GDA: variants seen among roughly 807,000 people sequenced by gnomAD.
The protein encoded by GDA is cytoplasmic PSD-95 interactor.
In GDA, 18 loss-of-function variants were observed where a neutral mutation model predicts 59.6. That is an observed-to-expected ratio of 0.30 (90% confidence interval 0.21 to 0.45). The LOEUF is 0.45. GDA is among the 20% of genes least tolerant of loss of function. The probability of loss-of-function intolerance (pLI) is 1.00; values close to 1 mark genes in which losing one functional copy is unlikely to be tolerated. For synonymous variants in GDA, 201 were observed against 201.1 expected, an observed-to-expected ratio of 1.00 and a Z score of 0.00; for missense variants, 427 against 552.3, an observed-to-expected ratio of 0.77 and a Z score of 2.27.
intron 1 of GDA, among the ~76,000 whole-genome samples, chr9:72,122,413 T>C (rs957916025): frequency 2.0e-5 from 3 of 152,124 alleles, no homozygotes; most frequent in African/African-American, 7.2e-5. Context: ...ATTCTAAGCA[T>C]TAAATGAAAG....
In GDA at chr9:72,149,493, T is replaced by A. The variant is rs1826869627; in HGVS notation, c.-67T>A. 8.9e-6 allele frequency: 14 copies of A among 1,579,026 alleles called. No homozygotes were observed. The highest frequency in any genetic ancestry group is 1.7e-5 in the Admixed American group (1 of 58,600). On this transcript the variant is annotated 5_prime_UTR_variant, in exon 1 of 14. Transcript: ENST00000358399. ...GGCAGCCGCCCGCAGCTGCAGAGAG[T>A]CCCGCTGCGTCTCCGCCGCGTGCGC...
rs568526294 is a variant in GDA at position 72,149,805 on chromosome 9, T to A, written c.123+123T>A. 9.7e-5 allele frequency: 97 copies of A among 1,004,390 alleles called. No homozygotes were observed. The African/African-American group carries it at 1.6e-3, about 16-fold the overall frequency. The allele number at this position is 1,004,390 out of a possible 1,614,324, so 62.2% of individuals were successfully genotyped here. Reference sequence around the variant, plus strand: ...GCAGTGAGCGCCGCGGCTCCGGAGTTGAACTTGAGTCTTTGGCTCTTGGGC... The same window carrying A: ...GCAGTGAGCGCCGCGGCTCCGGAGTAGAACTTGAGTCTTTGGCTCTTGGGC... On this transcript the variant is annotated intron_variant, in intron 1 of 13. Transcript: ENST00000358399.
chr9:72,134,683 C>T (rs1587316879), intron 1 of GDA, among the ~76,000 whole-genome samples: 2 of 152,256 alleles, frequency 1.3e-5, no homozygotes, highest in East Asian at 1.9e-4. Context: ...GGATTACAGG[C>T]GTGAGCCACT....
intron 1 of GDA, among the ~76,000 whole-genome samples, chr9:72,170,313 A>G (rs987325541): frequency 6.6e-6 from 1 of 152,254 alleles, no homozygotes; most frequent in Non-Finnish European, 1.5e-5. Flanking sequence ...CCAGTTCTAT[A>G]TAAAAGATAC....
Position 72,238,967 on chromosome 9 carries a change from A to G in GDA, c.989-2185A>G, listed in dbSNP as rs75885982. 1.2e-3 allele frequency among the ~76,000 whole-genome samples: 182 copies of G among 152,332 alleles called. 3 individuals are homozygous for G. Among genetic ancestry groups the G allele is most frequent in the East Asian group, 0.012 (61 of 5,188 alleles). The stretch of plus-strand genomic sequence containing the variant: ...AAAGGTCCGCAAAGCAAAAAGTTCC[A>G]TGCGCACAGTTTAAAACCAGGTCTG... On this transcript the variant is annotated intron_variant, in intron 10 of 13. Coordinates refer to ENST00000358399, the MANE Select transcript of GDA (RefSeq NM_004293.5).
In GDA at chr9:72,130,963, C is replaced by T. The variant is rs550461123; in HGVS notation, c.-100+16130C>T. Among the ~76,000 whole-genome samples the T allele has an allele frequency of 8.5e-5, 13 of 152,242 alleles. 1 individual carries two copies. Among genetic ancestry groups the T allele is most frequent in the African/African-American group, 3.1e-4 (13 of 41,546 alleles). On this transcript the variant is annotated intron_variant, in intron 1 of 13. Coordinates refer to the GDA transcript ENST00000545168. The stretch of plus-strand genomic sequence containing the variant: ...TTGGATGTACACCCTGGGATGTATA[C>T]CCATGGAAGAGGATGCACTAGCAGC...
At chr9:72,205,718 A>G (rs1265360966) in intron 3 of GDA, among the ~76,000 whole-genome samples, 2 of 152,190 alleles carry the variant, frequency 1.3e-5, no homozygotes, top group African/African-American at 4.8e-5. Context: ...ACAAAAGCAT[A>G]TTACTAATCA....
chr9:72,134,323 A>G (rs1034013753), intron 1 of GDA, among the ~76,000 whole-genome samples: 4 of 152,110 alleles, frequency 2.6e-5, no homozygotes, highest in African/African-American at 9.7e-5. Flanking sequence ...TAGCTCCCTG[A>G]CTGAGGGTGA....
rs1416098106 is a variant in GDA at position 72,250,821 on chromosome 9, C to T, written c.*2479C>T. 1.2e-6 allele frequency: 2 copies of T among 1,609,638 alleles called. No individual in the cohort carries two copies. Among genetic ancestry groups the T allele is most frequent in the Non-Finnish European group, 1.7e-6 (2 of 1,177,228 alleles). On this transcript the variant is annotated 3_prime_UTR_variant, in exon 14 of 14. Coordinates refer to ENST00000358399, the MANE Select transcript of GDA (RefSeq NM_004293.5). ...TTTCCTTAATGTTCCATGGTATTTTCAACGGAATACACTTTGAAAGGTAAA... is the reference window on the plus strand; with the variant it reads ...TTTCCTTAATGTTCCATGGTATTTTTAACGGAATACACTTTGAAAGGTAAA...
chr9:72,228,157 A>G (rs1213557102), intron 9 of GDA, 117 bp downstream of exon 9: 1 of 683,564 alleles, frequency 1.5e-6, no homozygotes. Context: ...TGTGTTTGGC[A>G]GGACCCAGAT....
chr9:72,181,624 C>T (rs1305083722), intron 1 of GDA, among the ~76,000 whole-genome samples: 4 of 152,162 alleles, frequency 2.6e-5, no homozygotes, highest in African/African-American at 7.2e-5. Context: ...CGCGCCTGGC[C>T]TCACTATCTT....
intron 1 of GDA, among the ~76,000 whole-genome samples, chr9:72,162,079 A>T (rs1391398932): frequency 1.3e-5 from 2 of 152,122 alleles, no homozygotes; most frequent in East Asian, 3.9e-4. Flanking sequence ...CCTTTTTGGA[A>T]ATGCAAAACA....
intron 1 of GDA, among the ~76,000 whole-genome samples, chr9:72,194,683 G>A (rs1832942160): frequency 6.6e-6 from 1 of 152,074 alleles, no homozygotes; most frequent in Admixed American, 6.6e-5. Context: ...GCCCAGTTCA[G>A]CACTAGGACT....
chr9:72,116,061 C>T lies in GDA; in HGVS notation c.-100+1228C>T, dbSNP rs140235319. Among the ~76,000 whole-genome samples, 36 of 152,060 alleles carry T rather than the reference C, an allele frequency of 2.4e-4. 1 individual carries two copies. The East Asian group carries it at 6.0e-3, about 25-fold the overall frequency. Reference sequence around the variant, plus strand: ...CCAGCCTGACCAACATGGAGAAACCCGTCTCTACTAAAAGTACAAAAAATT... The same window carrying T: ...CCAGCCTGACCAACATGGAGAAACCTGTCTCTACTAAAAGTACAAAAAATT... On this transcript the variant is annotated intron_variant, in intron 1 of 13. Coordinates refer to the GDA transcript ENST00000545168.
chr9:72,182,348 G>C (rs1173243918), intron 1 of GDA, among the ~76,000 whole-genome samples: 1 of 152,014 alleles, frequency 6.6e-6, no homozygotes, highest in Non-Finnish European at 1.5e-5. Context: ...GTGTTTCTTT[G>C]TCTTTCATGC....
rs532642548 is a variant in GDA, at chr9:72,200,194, C to G, written c.213-2377C>G. On this transcript the variant is annotated intron_variant, in intron 2 of 13. Coordinates refer to ENST00000358399, the MANE Select transcript of GDA (RefSeq NM_004293.5). Reference sequence around the variant, plus strand: ...TGTATTTTTAGTAGAGATGGGGTTTCACCGTGTTAGCCAGGATGGTCTCGA... The same window carrying G: ...TGTATTTTTAGTAGAGATGGGGTTTGACCGTGTTAGCCAGGATGGTCTCGA... 5.3e-5 allele frequency among the ~76,000 whole-genome samples: 8 copies of G among 152,060 alleles called. No homozygotes were observed. In the South Asian group the frequency reaches 1.5e-3, roughly 28 times the overall value.
chr9:72,129,934 A>AC (rs1219174253), intron 1 of GDA, among the ~76,000 whole-genome samples: 2 of 152,266 alleles, frequency 1.3e-5, no homozygotes, highest in East Asian at 3.9e-4. Context: ...ATGAGATAAG[A>AC]CCAACCTTTG....
At chr9:72,202,331 C>T (rs1185843771) in intron 2 of GDA, among the ~76,000 whole-genome samples, 3 of 152,158 alleles carry the variant, frequency 2.0e-5, no homozygotes, top group Admixed American at 1.3e-4. Flanking sequence ...TCCCTCCCTT[C>T]GTCATCACTG....
At chr9:72,244,498 C>A (rs1740019320) in intron 11 of GDA, among the ~76,000 whole-genome samples, 1 of 152,158 alleles carries the variant, frequency 6.6e-6, no homozygotes, top group African/African-American at 2.4e-5. Context: ...ACCAGAAAAC[C>A]TTTGAGGTTG....
Sources: gnomAD v4.1 joint callset for allele counts (sites outside exome capture counted in the v4.1 genomes callset) on GRCh38, gnomAD v4.1.1 for gene constraint, MANE v1.5 for transcripts, NCBI Gene and HGNC (gene_info 2026-07-23, HGNC 2026-07-21) for gene names.